ULBP1: variants seen among roughly 807,000 people sequenced by gnomAD.
The protein encoded by ULBP1 is UL16-binding protein 1.
In ULBP1, 28 loss-of-function variants were observed where a neutral mutation model predicts 25.3. The ratio of observed to expected loss-of-function variants is 1.10; its 90% CI spans 0.82 to 1.51. The LOEUF (loss-of-function observed/expected upper bound fraction) is 1.51, where lower values mean the gene tolerates loss of function less well. Among genes scored for constraint, ULBP1 ranks in the 40% most tolerant of loss-of-function variants. The probability of loss-of-function intolerance (pLI) is 0.00; values close to 1 mark genes in which losing one functional copy is unlikely to be tolerated. For synonymous variants in ULBP1, 129 were observed against 103.0 expected, an observed-to-expected ratio of 1.25 and a Z score of -1.53; for missense variants, 348 against 290.9, an observed-to-expected ratio of 1.20 and a Z score of -1.43.
At chr6:149,966,017 C>T (rs1249925791) in intron 1 of ULBP1, among the ~76,000 whole-genome samples, 16 of 152,038 alleles carry the variant, frequency 1.1e-4, no homozygotes, top group Admixed American at 1.0e-3. Context: ...CTGGGAGCGC[C>T]GGTGAGTAGA....
chr6:149,971,209 T>C (rs1264828470), intron 4 of ULBP1, among the ~76,000 whole-genome samples, 160 bp from the exon 5 acceptor site: 3 of 151,732 alleles, frequency 2.0e-5, no homozygotes, highest in East Asian at 1.9e-4. Flanking sequence ...AGGGTGGAGG[T>C]TGGAACAGGG....
chr6:149,969,537 C>T (rs186571684), intron 3 of ULBP1, among the ~76,000 whole-genome samples, 177 bp downstream of exon 3: 2 of 152,268 alleles, frequency 1.3e-5, no homozygotes, highest in Non-Finnish European at 2.9e-5. Flanking sequence ...TCCCTTCTTC[C>T]CCCTGACTCC....
At chr6:149,970,506 A>C (rs979219484) in intron 4 of ULBP1, among the ~76,000 whole-genome samples, 1 of 152,172 alleles carries the variant, frequency 6.6e-6, no homozygotes, top group African/African-American at 2.4e-5. Context: ...GTAGGAGAGG[A>C]GTAGCATGGC....
At position 149,971,444 on chromosome 6, in the gene ULBP1, C is replaced by T; in HGVS notation, c.*98C>T. 1 of 973,174 alleles carries T rather than the reference C, an allele frequency of 1.0e-6. No homozygotes were observed. Among genetic ancestry groups the T allele is most frequent in the Non-Finnish European group, 1.2e-6 (1 of 819,172 alleles). The allele number at this position is 973,174 out of a possible 1,614,324, so 60.3% of individuals were successfully genotyped here. ...TCCCTTCAGGGAGGCCGCCTGTCTACTCACCACTGTGCCTTTCTGGAAAGC... is the reference window on the plus strand; with the variant it reads ...TCCCTTCAGGGAGGCCGCCTGTCTATTCACCACTGTGCCTTTCTGGAAAGC... On this transcript the variant is annotated 3_prime_UTR_variant, in exon 5 of 5. Coordinates refer to ENST00000229708, the MANE Select transcript of ULBP1 (RefSeq NM_025218.4).
intron 4 of ULBP1, 51 bp from the exon 5 acceptor site, chr6:149,971,318 A>T (rs1779313565): frequency 1.0e-6 from 1 of 985,068 alleles, no homozygotes; most frequent in African/African-American, 1.7e-5. Flanking sequence ...CCAGGAGAAC[A>T]GACCCAGGTT....
At position 149,968,865 on chromosome 6, in the gene ULBP1, C is replaced by G. The variant is rs367605067; in HGVS notation, c.344C>G (p.Pro115Arg). 8 of 1,613,326 alleles carry G rather than the reference C, an allele frequency of 5.0e-6. No individual in the cohort carries two copies. The highest frequency in any genetic ancestry group is 6.8e-6 in the Non-Finnish European group (8 of 1,179,596). The change falls in exon 2 of 5, where the codon CCC (proline) becomes CGC (arginine). Residue 115 changes from proline to arginine, a missense_variant. Physicochemically the swap from Pro to Arg is moderately radical, Grantham distance 103 (BLOSUM62 -2). Coordinates refer to ENST00000229708, the MANE Select transcript of ULBP1 (RefSeq NM_025218.4). ...GACATTCAAGTGGAGAATTTAATAC[C>G]CATTGGTAAGTTTAAAATGGCCCAG... ...LLDIQVENLI[P>R]IEPLTLQARM...
chr6:149,965,403 C>G lies in ULBP1; in HGVS notation c.85+1269C>G, dbSNP rs547081103. ...CGCTTCCTGCAGCTGCTGCTAGCAC[C>G]GCAGTCCAGGGGGAGTGTCAAAGAA... On this transcript the variant is annotated intron_variant, in intron 1 of 4. Coordinates refer to ENST00000229708, the MANE Select transcript of ULBP1 (RefSeq NM_025218.4). 1.4e-4 allele frequency among the ~76,000 whole-genome samples: 21 copies of G among 152,366 alleles called. No individual in the cohort carries two copies. The South Asian group carries it at 3.3e-3, about 24-fold the overall frequency.
At chr6:149,971,314 G>A (rs970234846) in intron 4 of ULBP1, 55 bp from the exon 5 acceptor site, 40 of 984,784 alleles carry the variant, frequency 4.1e-5, no homozygotes, top group Non-Finnish European at 4.6e-5. Flanking sequence ...TCACCCAGGA[G>A]AACAGACCCA....
chr6:149,969,467 C>CCCCCAGGAGGAG, intron 3 of ULBP1, 107 bp downstream of exon 3: 1 of 1,487,896 alleles, frequency 6.7e-7, no homozygotes, highest in Non-Finnish European at 9.1e-7. Context: ...ATGAACATGA[C>CCCCCAGGAGGAG]CCCCTCATGG....
chr6:149,970,544 G>C (rs1562495590), intron 4 of ULBP1, among the ~76,000 whole-genome samples: 1 of 152,216 alleles, frequency 6.6e-6, no homozygotes, highest in Non-Finnish European at 1.5e-5. Context: ...CAAGGGAAGG[G>C]GTGTCCCTGG....
At position 149,972,380 on chromosome 6, in the gene ULBP1, A is replaced by C. The variant is rs1042004977; in HGVS notation, c.*1034A>C. 1 of 152,210 alleles carries C rather than the reference A, an allele frequency of 6.6e-6. No individual in the cohort carries two copies. Among genetic ancestry groups the C allele is most frequent in the Non-Finnish European group, 1.5e-5 (1 of 68,048 alleles). The allele number at this position is 152,210 out of a possible 1,614,324, so 9.4% of individuals were successfully genotyped here. ...TTCAATATGGATGAAAGATTTAAAT[A>C]TAAGTACTAAAACTGTAAAAATCCT... On this transcript the variant is annotated 3_prime_UTR_variant, in exon 5 of 5. Transcript: ENST00000229708.
At chr6:149,964,190 A>T in intron 1 of ULBP1, 56 bp downstream of exon 1, 2 of 1,597,544 alleles carry the variant, frequency 1.3e-6, no homozygotes, top group Non-Finnish European at 1.7e-6. Flanking sequence ...GAGGTTGTGG[A>T]CTGCAGCGGG....
chr6:149,970,291 G>A (rs947849470), intron 4 of ULBP1, 144 bp downstream of exon 4: 52 of 1,210,594 alleles, frequency 4.3e-5, no homozygotes, highest in Non-Finnish European at 5.6e-5. Flanking sequence ...TCACCTGTTG[G>A]CAATGACCTG....
intron 4 of ULBP1, 95 bp from the exon 5 acceptor site, chr6:149,971,274 G>C (rs1779312343): frequency 2.3e-6 from 2 of 872,808 alleles, no homozygotes; most frequent in Non-Finnish European, 2.7e-6. Flanking sequence ...TTGTGGGAGA[G>C]GTTCCGAAAT....
chr6:149,964,060 C>T lies in ULBP1; in HGVS notation c.11C>T (p.Ala4Val), dbSNP rs770243422. 134 of 1,614,076 alleles carry T rather than the reference C, an allele frequency of 8.3e-5. No homozygotes were observed. The highest frequency in any genetic ancestry group is 4.9e-4 in the Middle Eastern group (3 of 6,084). The change falls in exon 1 of 5, where the codon GCC becomes GTC. Residue 4 changes from alanine (A) to valine (V), a missense_variant. Transcript: ENST00000229708. MAA[A>V]ASPAFLLCLP... ...AGCTCCAGGTCTACAATGGCAGCGG[C>T]CGCCAGCCCCGCGTTCCTTCTGTGC...
At chr6:149,971,214 A>T (rs771756681) in intron 4 of ULBP1, among the ~76,000 whole-genome samples, 155 bp from the exon 5 acceptor site, 27 of 152,276 alleles carry the variant, frequency 1.8e-4, no homozygotes, top group Non-Finnish European at 3.2e-4. Flanking sequence ...GGAGGTTGGA[A>T]CAGGGTACAG....
In ULBP1 at chr6:149,964,031, A is replaced by C. The variant is rs1440736210; in HGVS notation, c.-19A>C. ...AGGGAACCATCAGCGCCTCCTGTCC[A>C]CGGAGCTCCAGGTCTACAATGGCAG... On this transcript the variant is annotated 5_prime_UTR_variant, in exon 1 of 5. Coordinates refer to ENST00000229708, the MANE Select transcript of ULBP1 (RefSeq NM_025218.4). 4 of 1,613,770 alleles carry C rather than the reference A, an allele frequency of 2.5e-6. No homozygotes were observed. The South Asian group carries it at 4.4e-5, about 18-fold the overall frequency.
At chr6:149,966,640 C>T (rs527978823) in intron 1 of ULBP1, among the ~76,000 whole-genome samples, 1 of 152,182 alleles carries the variant, frequency 6.6e-6, no homozygotes, top group East Asian at 1.9e-4. Context: ...CCCAGGAGAC[C>T]CACCTGTGTC....
At chr6:149,971,100 A>G (rs1028373755) in intron 4 of ULBP1, among the ~76,000 whole-genome samples, 1 of 152,218 alleles carries the variant, frequency 6.6e-6, no homozygotes, top group Non-Finnish European at 1.5e-5. Flanking sequence ...AGGGAGGAGC[A>G]GGCCCTCAGT....
Sources: gnomAD v4.1 joint callset for allele counts (sites outside exome capture counted in the v4.1 genomes callset) on GRCh38, gnomAD v4.1.1 for gene constraint, MANE v1.5 for transcripts, NCBI Gene and HGNC (gene_info 2026-07-23, HGNC 2026-07-21) for gene names.